Variants in NLGN1 observed in about 807,000 individuals in gnomAD.
The protein encoded by NLGN1 is neuroligin 1.
In NLGN1, 12 loss-of-function variants were observed where a neutral mutation model predicts 65.5. The ratio of observed to expected loss-of-function variants is 0.18; its 90% confidence interval spans 0.12 to 0.30. The LOEUF (loss-of-function observed/expected upper bound fraction) is 0.30. Among genes scored for constraint, NLGN1 ranks in the 10% least tolerant of loss-of-function variants. The pLI is 1.00. For missense variants in NLGN1, 750 were observed against 1,007.1 expected (o/e 0.74, Z 3.46); for synonymous variants, 350 against 359.5 (o/e 0.97, Z 0.30).
chr3:174,274,085 A>G (rs1468552562), intron 4 of NLGN1, among the ~76,000 whole-genome samples: 1 of 151,770 alleles, frequency 6.6e-6, no homozygotes, highest in African/African-American at 2.4e-5. Context: ...AGAGAGAATG[A>G]ATTTTTAAAA....
chr3:173,527,184 A>G (rs73043594), intron 2 of NLGN1, among the ~76,000 whole-genome samples: 4,394 of 152,200 alleles, frequency 0.029, 202 homozygotes, highest in African/African-American at 0.096. Context: ...GCAACAGTGT[A>G]TGAGGGTTCC....
chr3:173,763,547 T>C (rs1778316918), intron 3 of NLGN1, among the ~76,000 whole-genome samples: 1 of 152,122 alleles, frequency 6.6e-6, no homozygotes, highest in Admixed American at 6.6e-5. Context: ...TCATTTTTAA[T>C]GTTTCCTAGA....
intron 2 of NLGN1, among the ~76,000 whole-genome samples, chr3:173,466,991 A>G (rs1275691818): frequency 6.6e-6 from 1 of 152,178 alleles, no homozygotes; most frequent in Non-Finnish European, 1.5e-5. Context: ...TTTGAATTTC[A>G]AAATAATACG....
intron 4 of NLGN1, among the ~76,000 whole-genome samples, chr3:174,106,786 C>A (rs1713920906): frequency 6.6e-6 from 1 of 151,928 alleles, no homozygotes; most frequent in African/African-American, 2.4e-5. Flanking sequence ...ACTCTGAAGG[C>A]CTAAGAACCA....
chr3:173,900,307 C>T (rs1737105085), intron 4 of NLGN1, among the ~76,000 whole-genome samples: 1 of 151,984 alleles, frequency 6.6e-6, no homozygotes, highest in African/African-American at 2.4e-5. Context: ...TTAACTGGAC[C>T]TTCTCAGGGC....
intron 3 of NLGN1, among the ~76,000 whole-genome samples, chr3:173,748,045 C>T (rs1375227082): frequency 6.6e-6 from 1 of 151,634 alleles, no homozygotes; most frequent in East Asian, 1.9e-4. Context: ...AGTGATCTGC[C>T]CATCTCTACC....
intron 2 of NLGN1, among the ~76,000 whole-genome samples, chr3:173,570,995 C>T (rs1241693667): frequency 2.0e-5 from 3 of 152,160 alleles, no homozygotes; most frequent in Non-Finnish European, 4.4e-5. Context: ...AGCCACCATG[C>T]CCAGCCTATT....
intron 3 of NLGN1, 83 bp downstream of exon 2, chr3:173,605,174 C>T: frequency 8.7e-7 from 1 of 1,145,708 alleles, no homozygotes; most frequent in East Asian, 2.6e-5. Flanking sequence ...TTCATGTGTA[C>T]TGGTAGTATG....
At chr3:173,968,296 A>T (rs1042233354) in intron 4 of NLGN1, among the ~76,000 whole-genome samples, 1 of 152,172 alleles carries the variant, frequency 6.6e-6, no homozygotes, top group African/African-American at 2.4e-5. Flanking sequence ...AGAATGACTT[A>T]ATTTTGAACT....
intron 3 of NLGN1, among the ~76,000 whole-genome samples, chr3:173,671,041 A>G (rs2149734411): frequency 6.6e-6 from 1 of 152,292 alleles, no homozygotes; most frequent in African/African-American, 2.4e-5. Context: ...ATTACTCTAA[A>G]TTGAGGAATG....
Position 173,855,603 on chromosome 3 carries a change from G to T in NLGN1, c.646+47771G>T, listed in dbSNP as rs980687517. On this transcript the variant is annotated intron_variant, in intron 4 of 6. Coordinates refer to ENST00000457714, the Ensembl canonical transcript of NLGN1. ...GAATCTTTGCTAAATGTCACAAACT[G>T]AGAGACATATCATAAACAAAATAAA... Among the ~76,000 whole-genome samples, 58 of 152,088 alleles carry T rather than the reference G, an allele frequency of 3.8e-4. 1 individual carries two copies. The highest frequency in any genetic ancestry group is 1.3e-3 in the African/African-American group (55 of 41,428).
chr3:174,283,782 G>T (rs543363154), exon 7 of NLGN1: 1 of 151,382 alleles, frequency 6.6e-6, no homozygotes, highest in African/African-American at 2.4e-5. Context: ...GACTGAGGTG[G>T]TTATGCTTTT....
intron 4 of NLGN1, among the ~76,000 whole-genome samples, chr3:174,027,154 A>T (rs2152466898): frequency 6.6e-6 from 1 of 152,114 alleles, no homozygotes; most frequent in East Asian, 1.9e-4. Flanking sequence ...ATATAAATTT[A>T]TACTGAGGTT....
intron 4 of NLGN1, among the ~76,000 whole-genome samples, chr3:173,868,886 G>A (rs1043497964): frequency 5.3e-5 from 8 of 152,016 alleles, no homozygotes; most frequent in Non-Finnish European, 1.2e-4. Flanking sequence ...TAGGGAGAGA[G>A]CAACAGAGAG....
At position 173,612,845 on chromosome 3, in the gene NLGN1, C is replaced by T. The variant is rs182733020; in HGVS notation, c.493+7754C>T. ...CATGGTTGGTTCTTTCTGAGGGCTG[C>T]GAAGAAGAATCAGTTCTGGGCCTCT... is the stretch of plus-strand genomic sequence containing the variant. On this transcript the variant is annotated intron_variant, in intron 3 of 6. Transcript: ENST00000457714. Among the ~76,000 whole-genome samples, 40 of 152,116 alleles carry T rather than the reference C, an allele frequency of 2.6e-4. 1 individual carries two copies. In the East Asian group the frequency reaches 7.0e-3, roughly 27 times the overall value.
rs148935046 is a variant in NLGN1, at chr3:173,870,796, C to T, written c.646+62964C>T. On this transcript the variant is annotated intron_variant, in intron 4 of 6. Coordinates refer to ENST00000457714, the Ensembl canonical transcript of NLGN1. ...ACCTGTTTGGTCTCTGCCTCCAGTTCCTGGCACAGAGCTACTAAAACTATT... is the reference window on the plus strand; with the variant it reads ...ACCTGTTTGGTCTCTGCCTCCAGTTTCTGGCACAGAGCTACTAAAACTATT... 5.5e-3 allele frequency among the ~76,000 whole-genome samples: 833 copies of T among 152,314 alleles called. 3 individuals are homozygous for T. Among genetic ancestry groups the T allele is most frequent in the Middle Eastern group, 0.02 (6 of 294 alleles).
chr3:173,429,990 A>G (rs1354544469), intron 1 of NLGN1, among the ~76,000 whole-genome samples: 1 of 152,192 alleles, frequency 6.6e-6, no homozygotes, highest in East Asian at 1.9e-4. Flanking sequence ...TTATGCCTCT[A>G]GTTTCTCTTA....
chr3:173,422,991 A>G (rs888955230), intron 1 of NLGN1, among the ~76,000 whole-genome samples: 11 of 152,188 alleles, frequency 7.2e-5, no homozygotes, highest in African/African-American at 1.4e-4. Context: ...CAGTCCTTTA[A>G]CTGACTCACA....
At chr3:174,175,485 T>C (rs1005464714) in intron 4 of NLGN1, among the ~76,000 whole-genome samples, 1 of 151,950 alleles carries the variant, frequency 6.6e-6, no homozygotes, top group Non-Finnish European at 1.5e-5. Context: ...TGGCATGGAA[T>C]ATCTTTTTCC....
Sources: allele counts gnomAD v4.1 joint callset (sites outside exome capture counted in the v4.1 genomes callset), GRCh38; gene constraint gnomAD v4.1.1; transcripts MANE v1.5; gene names NCBI Gene and HGNC (gene_info 2026-07-23, HGNC 2026-07-21).